The following SLC9C1 variants were observed in gnomAD, a reference collection of about 807,000 sequenced individuals.
SLC9C1 encodes the protein sodium/hydrogen exchanger 10.
A neutral mutation model predicts 140.9 loss-of-function variants in SLC9C1; 97 were observed. The observed-to-expected ratio is 0.69, with a 90% confidence interval of 0.58 to 0.82. The LOEUF (loss-of-function observed/expected upper bound fraction) is 0.82, where lower values mean the gene tolerates loss of function less well. Ranked by LOEUF, SLC9C1 falls within the 40% of genes least tolerant of loss-of-function variation. The pLI is 0.00. For synonymous variants in SLC9C1, 440 were observed against 442.6 expected (o/e 0.99, Z 0.07); for missense variants, 1,340 against 1,389.3 (o/e 0.96, Z 0.56).
chr3:112,206,167 C>CAAA, intron 16 of SLC9C1, among the ~76,000 whole-genome samples: 2 of 118,262 alleles, frequency 1.7e-5, no homozygotes. Context: ...AAAAAAACAA[C>CAAA]CCCATCAAAA....
chr3:112,171,171 G>A (rs952928617), intron 23 of SLC9C1, among the ~76,000 whole-genome samples: 1 of 151,952 alleles, frequency 6.6e-6, no homozygotes, highest in African/African-American at 2.4e-5. Flanking sequence ...CTGAGATTGG[G>A]AGCCATTGCA....
chr3:112,189,323 G>A (rs897905661), intron 20 of SLC9C1, among the ~76,000 whole-genome samples: 5 of 152,126 alleles, frequency 3.3e-5, no homozygotes, highest in African/African-American at 9.7e-5. Context: ...GTCCTTAATG[G>A]TATTGCCTAG....
At chr3:112,204,605 G>T (rs2077994781) in intron 16 of SLC9C1, among the ~76,000 whole-genome samples, 1 of 151,926 alleles carries the variant, frequency 6.6e-6, no homozygotes, top group African/African-American at 2.4e-5. Flanking sequence ...TATTAATTTA[G>T]GATTGGGTTT....
chr3:112,193,633 G>T (rs1418074562), intron 20 of SLC9C1, among the ~76,000 whole-genome samples: 2 of 152,064 alleles, frequency 1.3e-5, no homozygotes, highest in Non-Finnish European at 2.9e-5. Flanking sequence ...GGGGTCATTG[G>T]GCAGGCCAGG....
At chr3:112,167,799 T>G (rs1479173628) in intron 25 of SLC9C1, among the ~76,000 whole-genome samples, 2 of 152,190 alleles carry the variant, frequency 1.3e-5, no homozygotes, top group Admixed American at 6.5e-5. Context: ...TGAGTAGGGC[T>G]CTGTTTCTAG....
At chr3:112,161,146 G>A (rs1217468748) in intron 26 of SLC9C1, among the ~76,000 whole-genome samples, 1 of 152,118 alleles carries the variant, frequency 6.6e-6, no homozygotes, top group East Asian at 1.9e-4. Context: ...ATTTGTTTGA[G>A]TTCATTGTAG....
chr3:112,182,703 C>T (rs2077461117), intron 20 of SLC9C1, among the ~76,000 whole-genome samples: 1 of 152,168 alleles, frequency 6.6e-6, no homozygotes, highest in African/African-American at 2.4e-5. Context: ...GTAAAAACAT[C>T]TGTGTAACAA....
chr3:112,150,303 G>A (rs761430034), intron 28 of SLC9C1, among the ~76,000 whole-genome samples: 2 of 152,288 alleles, frequency 1.3e-5, no homozygotes, highest in South Asian at 2.1e-4. Flanking sequence ...GCTTTCTCCA[G>A]TGCCTTTCTC....
At chr3:112,224,132 A>G (rs1044857271) in intron 13 of SLC9C1, among the ~76,000 whole-genome samples, 46 of 152,150 alleles carry the variant, frequency 3.0e-4, no homozygotes. Context: ...TTCACAAGGG[A>G]GCAGACCCCA....
chr3:112,208,084 A>T, intron 16 of SLC9C1, 94 bp downstream of exon 16: 1 of 1,016,204 alleles, frequency 9.8e-7, no homozygotes, highest in Non-Finnish European at 1.4e-6. Flanking sequence ...ACACTCCTTC[A>T]GAAAATTGTC....
Position 112,149,056 on chromosome 3 carries a change from G to A in SLC9C1, c.3524+2801C>T, listed in dbSNP as rs530349807. Among the ~76,000 whole-genome samples the A allele has an allele frequency of 3.8e-3, 583 of 152,254 alleles. 4 individuals carry two copies. The highest frequency in any genetic ancestry group is 6.6e-3 in the Non-Finnish European group (448 of 68,000). On this transcript the variant is annotated intron_variant, in intron 28 of 28. Transcript: ENST00000305815. ...AAGATCTCTGCACAGGAGGGGTAGG[G>A]TGACTCAGGCTGCTGGCCCAAGGAA...
chr3:112,177,789 G>GGT, intron 23 of SLC9C1, among the ~76,000 whole-genome samples: 1 of 144,844 alleles, frequency 6.9e-6, no homozygotes, highest in East Asian at 2.0e-4. Flanking sequence ...AAGTTTTAGG[G>GGT]TTTTTTTTTT....
At chr3:112,283,492 A>AC (rs2080415742) in intron 2 of SLC9C1, among the ~76,000 whole-genome samples, 1 of 119,556 alleles carries the variant, frequency 8.4e-6, no homozygotes, top group Non-Finnish European at 1.8e-5. Context: ...AAAAAAAAAA[A>AC]AAAGAATGTC....
rs866662848 is a variant in SLC9C1, at chr3:112,231,480, C to T, written c.1453G>A (p.Glu485Lys). 1.2e-5 allele frequency: 20 copies of T among 1,607,960 alleles called. No homozygotes were observed. Among genetic ancestry groups the T allele is most frequent in the East Asian group, 4.5e-5 (2 of 44,710 alleles). Residue 485 changes from glutamate to lysine, a missense_variant, in exon 13 of 29, where the codon GAA becomes AAA. Coordinates refer to ENST00000305815, the MANE Select transcript of SLC9C1 (RefSeq NM_183061.3). ...ITLENPYMLN[E>K]EETTEHQKVK... ...TTCTGATGTTCTGTTGTTTCTTCTT[C>T]GTTCAACTAAATAAAACATAAATAA...
At chr3:112,225,479 T>G (rs983142753) in intron 13 of SLC9C1, among the ~76,000 whole-genome samples, 2 of 151,874 alleles carry the variant, frequency 1.3e-5, no homozygotes, top group Non-Finnish European at 2.9e-5. Context: ...GAATCAAACC[T>G]TATTATTACA....
intron 10 of SLC9C1, among the ~76,000 whole-genome samples, chr3:112,253,979 G>A (rs2079535822): frequency 6.6e-6 from 1 of 152,102 alleles, no homozygotes; most frequent in African/African-American, 2.4e-5. Flanking sequence ...AAACCAAGAT[G>A]AGGAAAGAAT....
At chr3:112,201,243 A>C (rs1269366653) in intron 18 of SLC9C1, among the ~76,000 whole-genome samples, 3 of 152,042 alleles carry the variant, frequency 2.0e-5, no homozygotes, top group Non-Finnish European at 4.4e-5. Context: ...GATGGCTTGC[A>C]ATCTTAAGGG....
At chr3:112,194,145 C>T (rs1244162023) in intron 20 of SLC9C1, among the ~76,000 whole-genome samples, 3 of 152,112 alleles carry the variant, frequency 2.0e-5, no homozygotes, top group African/African-American at 7.2e-5. Flanking sequence ...AGTAATGCAG[C>T]TTCATGAATT....
At chr3:112,173,750 C>G (rs1212700224) in intron 23 of SLC9C1, among the ~76,000 whole-genome samples, 1 of 152,198 alleles carries the variant, frequency 6.6e-6, no homozygotes, top group Non-Finnish European at 1.5e-5. Flanking sequence ...CATACACATA[C>G]ATGTGTCTTT....
Sources: gnomAD v4.1 joint callset for allele counts (sites outside exome capture counted in the v4.1 genomes callset) on GRCh38, gnomAD v4.1.1 for gene constraint, MANE v1.5 for transcripts, NCBI Gene and HGNC (gene_info 2026-07-23, HGNC 2026-07-21) for gene names.